The following ZFAND4 variants were observed in gnomAD, a reference collection of about 807,000 sequenced individuals.
ZFAND4 encodes zinc finger AN1-type containing 4, also known as AN1-type zinc finger protein 4.
In ZFAND4, 43 loss-of-function variants were observed where a neutral mutation model predicts 64.4. The ratio of observed to expected loss-of-function variants is 0.67; its 90% CI spans 0.52 to 0.86. The LOEUF (loss-of-function observed/expected upper bound fraction) is 0.86. Ranked by LOEUF, ZFAND4 falls within the 40% of genes least tolerant of loss-of-function variation. The pLI is 0.00. For missense variants in ZFAND4, 929 were observed against 859.8 expected (o/e 1.08, Z -1.01); for synonymous variants, 296 against 305.7 (o/e 0.97, Z 0.33).
chr10:45,662,638 C>T (rs929955952), intron 2 of ZFAND4: 1 of 985,304 alleles, frequency 1.0e-6, no homozygotes, highest in African/African-American at 1.7e-5. Flanking sequence ...CTGATGTGGT[C>T]ACTGGACTCG....
At chr10:45,648,959 T>C in intron 4 of ZFAND4, 1 of 985,180 alleles carries the variant, frequency 1.0e-6, no homozygotes, top group Non-Finnish European at 1.2e-6. Context: ...TAAATTCCAC[T>C]TACGTTAGAT....
rs201979331 is a variant in ZFAND4 at position 45,637,750 on chromosome 10, AAAAACAAAAC to A, written c.717+2056_717+2065del. Reference sequence around the variant, plus strand: ...GGGCAACAGGGCGAGACTCTGTCTCAAAAACAAAACAAAACAAAACAAAACAAAACAAAAC... The same window carrying A: ...GGGCAACAGGGCGAGACTCTGTCTCAAAAACAAAACAAAACAAAACAAAAC... On this transcript the variant is annotated intron_variant, in intron 6 of 9. Coordinates refer to ENST00000344646, the MANE Select transcript of ZFAND4 (RefSeq NM_174890.4). Among the ~76,000 whole-genome samples, 435 of 151,602 alleles carry A rather than the reference AAAAACAAAAC, an allele frequency of 2.9e-3. 2 individuals carry two copies. Among genetic ancestry groups the A allele is most frequent in the African/African-American group, 7.5e-3 (309 of 41,092 alleles).
intron 4 of ZFAND4, chr10:45,648,886 T>C (rs1005813409): frequency 5.4e-6 from 5 of 931,920 alleles, no homozygotes; most frequent in African/African-American, 1.8e-5. Context: ...ATAATTTTTT[T>C]ACTATATACT....
intron 6 of ZFAND4, among the ~76,000 whole-genome samples, chr10:45,633,801 T>C (rs926599863): frequency 6.6e-6 from 1 of 152,160 alleles, no homozygotes; most frequent in Non-Finnish European, 1.5e-5. Context: ...ATCTCCAAAT[T>C]GAAGAATATT....
intron 4 of ZFAND4, chr10:45,650,895 G>C (rs1487024567): frequency 6.6e-6 from 1 of 152,054 alleles, no homozygotes; most frequent in Non-Finnish European, 1.5e-5. Context: ...GTGCTAAAAG[G>C]CCCTAACATT....
chr10:45,661,013 G>C (rs910673703), intron 2 of ZFAND4, among the ~76,000 whole-genome samples: 3 of 152,162 alleles, frequency 2.0e-5, no homozygotes, highest in Admixed American at 1.3e-4. Context: ...AATGTTAAAA[G>C]ACATTCTTCA....
intron 6 of ZFAND4, among the ~76,000 whole-genome samples, chr10:45,629,750 C>G (rs971121813): frequency 1.3e-5 from 2 of 152,070 alleles, no homozygotes; most frequent in Non-Finnish European, 2.9e-5. Context: ...GTAGTCCCAG[C>G]TACTTGGGAG....
chr10:45,645,196 C>T (rs1205727904), intron 5 of ZFAND4, among the ~76,000 whole-genome samples: 1 of 152,086 alleles, frequency 6.6e-6, no homozygotes, highest in African/African-American at 2.4e-5. Context: ...TTGTCTCAAA[C>T]TCCCGGACTC....
In ZFAND4 at chr10:45,652,972, A is replaced by G. The variant is rs1040718960; in HGVS notation, c.260+12T>C. ...AGTGCCTACAAAACAGCCAATATGC[A>G]ATTACACTCACTTGTAATCATTCAA... On this transcript the variant is annotated intron_variant, in intron 3 of 9. Coordinates refer to ENST00000344646, the MANE Select transcript of ZFAND4 (RefSeq NM_174890.4). 6.3e-7 allele frequency: 1 copy of G among 1,599,456 alleles called. No homozygotes were observed. Among genetic ancestry groups the G allele is most frequent in the Non-Finnish European group, 8.5e-7 (1 of 1,169,916 alleles).
chr10:45,620,195 C>A (rs995823951), intron 8 of ZFAND4, among the ~76,000 whole-genome samples: 3 of 151,862 alleles, frequency 2.0e-5, no homozygotes. Flanking sequence ...TTTAAGAACT[C>A]TTGTGAGGCT....
Position 45,653,024 on chromosome 10 carries a change from T to C in ZFAND4, c.220A>G (p.Asn74Asp). 1 of 1,612,434 alleles carries C rather than the reference T, an allele frequency of 6.2e-7. No individual in the cohort carries two copies. Among genetic ancestry groups the C allele is most frequent in the Non-Finnish European group, 8.5e-7 (1 of 1,179,164 alleles). ...PICRQHLIWN[N>D]MELENDYCLN... The stretch of plus-strand genomic sequence containing the variant: ...CAATAATCATTTTCAAGTTCCATGT[T>C]ATTCCAAATTAAGTGTTGTCGACAG... Residue 74 changes from asparagine (N) to aspartate (D), a missense_variant, in exon 3 of 10, where the codon AAC (asparagine) becomes GAC (aspartate). By Grantham distance (23) the Asn-to-Asp change is conservative. Coordinates refer to ENST00000344646, the MANE Select transcript of ZFAND4 (RefSeq NM_174890.4).
intron 2 of ZFAND4, among the ~76,000 whole-genome samples, chr10:45,663,071 T>C (rs11239587): frequency 0.23 from 34,360 of 148,662 alleles, 4,138 homozygotes; most frequent in South Asian, 0.39. Context: ...ACTTTGAATA[T>C]ACGTAAATGT....
At position 45,663,760 on chromosome 10, in the gene ZFAND4, G is replaced by T; in HGVS notation, c.-35C>A. The T allele has an allele frequency of 1.3e-6, 2 of 1,538,102 alleles. No homozygotes were observed. The highest frequency in any genetic ancestry group is 1.8e-6 in the Non-Finnish European group (2 of 1,141,364). On this transcript the variant is annotated 5_prime_UTR_variant, in exon 2 of 10. Coordinates refer to ENST00000344646, the MANE Select transcript of ZFAND4 (RefSeq NM_174890.4). ...TTTTCTAGTTCTTCTAAAATATGTC[G>T]CAGGCAACTGTATTCCAGTTCTAGG...
At chr10:45,663,415 GTTCA>G (rs1263713534) in intron 2 of ZFAND4, 123 bp downstream of exon 2, 1 of 676,334 alleles carries the variant, frequency 1.5e-6, no homozygotes, top group Non-Finnish European at 2.4e-6. Context: ...GTAGGAGGGG[GTTCA>G]TTATCTTATT....
intron 4 of ZFAND4, chr10:45,651,516 G>T (rs563071746): frequency 2.1e-6 from 1 of 465,892 alleles, no homozygotes; most frequent in African/African-American, 2.0e-5. Flanking sequence ...TCTGAGAAAG[G>T]ATGCAACCGG....
At chr10:45,637,750 A>AAAAACAAAACAAAAC (rs201979331) in intron 6 of ZFAND4, among the ~76,000 whole-genome samples, 9 of 151,490 alleles carry the variant, frequency 5.9e-5, no homozygotes, top group African/African-American at 2.0e-4. Flanking sequence ...ACTCTGTCTC[A>AAAAACAAAACAAAAC]AAAACAAAAC....
chr10:45,618,315 ATAT>A (rs1179131630), intron 8 of ZFAND4, 55 bp from the exon 9 acceptor site: 10 of 1,586,034 alleles, frequency 6.3e-6, no homozygotes, highest in Admixed American at 5.6e-5. Context: ...TAAACATGAA[ATAT>A]TATTAAGCAA....
chr10:45,616,373 A>C lies in ZFAND4; in HGVS notation c.*63T>G. 6.3e-7 allele frequency: 1 copy of C among 1,583,958 alleles called. No homozygotes were observed. Among genetic ancestry groups the C allele is most frequent in the East Asian group, 2.3e-5 (1 of 44,250 alleles). ...GAGTCGAACAAAAATAATAGTCTAAACAACATTTCTTCTGTCATTATAATA... is the reference window on the plus strand; with the variant it reads ...GAGTCGAACAAAAATAATAGTCTAACCAACATTTCTTCTGTCATTATAATA... On this transcript the variant is annotated 3_prime_UTR_variant, in exon 10 of 10. Coordinates refer to ENST00000344646, the MANE Select transcript of ZFAND4 (RefSeq NM_174890.4).
At chr10:45,627,588 A>T (rs2045925601) in intron 6 of ZFAND4, among the ~76,000 whole-genome samples, 2 of 152,170 alleles carry the variant, frequency 1.3e-5, no homozygotes, top group African/African-American at 4.8e-5. Context: ...CATCTATTTC[A>T]GGAGGTTCAG....
Sources: gnomAD v4.1 joint callset for allele counts (sites outside exome capture counted in the v4.1 genomes callset) on GRCh38, gnomAD v4.1.1 for gene constraint, MANE v1.5 for transcripts, NCBI Gene and HGNC (gene_info 2026-07-23, HGNC 2026-07-21) for gene names.